Variants in MED13L observed in about 807,000 individuals in gnomAD.
MED13L encodes the protein mediator of RNA polymerase II transcription subunit 13-like.
Under a neutral mutation model 220.9 loss-of-function variants are expected in MED13L, and 7 were observed. The ratio of observed to expected loss-of-function variants is 0.03; its 90% CI spans 0.02 to 0.06. The LOEUF is 0.06. Among genes scored for constraint, MED13L ranks in the 10% least tolerant of loss-of-function variants. The pLI is 1.00. For missense variants in MED13L, 1,965 were observed against 2,760.5 expected (o/e 0.71, Z 6.46); for synonymous variants, 1,011 against 1,015.2 (o/e 1.00, Z 0.08).
At chr12:116,084,249 C>T (rs1228371114) in intron 4 of MED13L, among the ~76,000 whole-genome samples, 9 of 152,154 alleles carry the variant, frequency 5.9e-5, no homozygotes, top group African/African-American at 1.9e-4. Context: ...CCTTTGGTAA[C>T]TTACCTTTTT....
chr12:115,992,404 T>TC (rs1878123814), intron 16 of MED13L, among the ~76,000 whole-genome samples: 1 of 152,156 alleles, frequency 6.6e-6, no homozygotes, highest in South Asian at 2.1e-4. Flanking sequence ...TTGTCATTTT[T>TC]TTTTTGAAAT....
At chr12:116,129,564 G>A (rs532193263) in intron 2 of MED13L, among the ~76,000 whole-genome samples, 3 of 152,120 alleles carry the variant, frequency 2.0e-5, no homozygotes, top group Non-Finnish European at 2.9e-5. Context: ...CAGACATTAC[G>A]CCTTGGCAAG....
rs568791911 is a variant in MED13L, at chr12:116,212,354, G to T, written c.310+25114C>A. Among the ~76,000 whole-genome samples, 76 of 152,184 alleles carry T rather than the reference G, an allele frequency of 5.0e-4. 1 individual carries two copies. Among genetic ancestry groups the T allele is most frequent in the African/African-American group, 1.8e-3 (74 of 41,538 alleles). ...AAGTTAATTTTCATAAATGGTAAGGGTTGATAGTATTATTATTTTCCTGTT... is the reference window on the plus strand; with the variant it reads ...AAGTTAATTTTCATAAATGGTAAGGTTTGATAGTATTATTATTTTCCTGTT... On this transcript the variant is annotated intron_variant, in intron 2 of 30. Coordinates refer to ENST00000281928, the MANE Select transcript of MED13L (RefSeq NM_015335.5).
chr12:116,120,496 C>T (rs1394853446), intron 2 of MED13L, among the ~76,000 whole-genome samples: 1 of 146,064 alleles, frequency 6.8e-6, no homozygotes, highest in Non-Finnish European at 1.5e-5. Flanking sequence ...CACACACACA[C>T]ACACACACAC....
intron 4 of MED13L, among the ~76,000 whole-genome samples, chr12:116,073,450 C>G (rs1480727494): frequency 6.6e-6 from 1 of 152,180 alleles, no homozygotes; most frequent in African/African-American, 2.4e-5. Flanking sequence ...GGTTACTATT[C>G]TCTCATTCAA....
chr12:115,965,906 A>C (rs1223725990), intron 29 of MED13L, among the ~76,000 whole-genome samples, 176 bp downstream of exon 29: 1 of 152,162 alleles, frequency 6.6e-6, no homozygotes, highest in Non-Finnish European at 1.5e-5. Context: ...GGGTCCTCCT[A>C]AATTCTACTC....
rs5801163 is a variant in MED13L, at chr12:116,091,120, CAAAAAAAAAAAA to C, written c.479+5537_479+5548del. ...TGGGTGACAGAGCGGAACTCTGTCT[CAAAAAAAAAAAA>C]AAAAAAAAAGAATTAAAAAACAAGG... is the stretch of plus-strand genomic sequence containing the variant. On this transcript the variant is annotated intron_variant, in intron 4 of 30. Coordinates refer to ENST00000281928, the MANE Select transcript of MED13L (RefSeq NM_015335.5). Among the ~76,000 whole-genome samples the C allele has an allele frequency of 1.3e-4, 11 of 87,408 alleles. No individual in the cohort carries two copies. In the East Asian group the frequency reaches 2.3e-3, roughly 18 times the overall value. The allele number at this position is 87,408 out of a possible 152,430, so 57.3% of individuals were successfully genotyped here.
intron 1 of MED13L, among the ~76,000 whole-genome samples, chr12:116,260,297 C>T (rs1872411646): frequency 6.6e-6 from 1 of 152,112 alleles, no homozygotes; most frequent in Non-Finnish European, 1.5e-5. Context: ...CTCAGAACAA[C>T]TGGAAAGGGT....
chr12:116,244,013 T>C (rs747634749), intron 1 of MED13L, among the ~76,000 whole-genome samples: 2 of 152,184 alleles, frequency 1.3e-5, no homozygotes, highest in Non-Finnish European at 2.9e-5. Flanking sequence ...ATAGTCAACA[T>C]TTCAGGAAAC....
chr12:116,199,743 A>G (rs1168920851), intron 2 of MED13L, among the ~76,000 whole-genome samples: 3 of 151,876 alleles, frequency 2.0e-5, no homozygotes. Context: ...TTTTTGGTCC[A>G]GTATCAAAAT....
At chr12:116,241,956 C>T (rs1002165415) in intron 1 of MED13L, among the ~76,000 whole-genome samples, 2 of 151,340 alleles carry the variant, frequency 1.3e-5, no homozygotes, top group Admixed American at 6.6e-5. Context: ...AAATTCCCAT[C>T]GTGGATGTTT....
At chr12:116,197,730 A>G (rs866176641) in intron 2 of MED13L, among the ~76,000 whole-genome samples, 18 of 151,566 alleles carry the variant, frequency 1.2e-4, no homozygotes, top group African/African-American at 3.6e-4. Flanking sequence ...GTGCCATTGC[A>G]CTCCAGCCTG....
chr12:116,172,440 G>A (rs1326394280), intron 2 of MED13L, among the ~76,000 whole-genome samples: 4 of 152,148 alleles, frequency 2.6e-5, no homozygotes, highest in Non-Finnish European at 5.9e-5. Flanking sequence ...TATCTGAAAG[G>A]ACTGCCTCTT....
At chr12:116,213,841 C>T (rs1169265666) in intron 2 of MED13L, among the ~76,000 whole-genome samples, 1 of 152,126 alleles carries the variant, frequency 6.6e-6, no homozygotes, top group Non-Finnish European at 1.5e-5. Context: ...GTATAATATC[C>T]TTATAGAAAA....
At chr12:116,206,637 C>A (rs904742332) in intron 2 of MED13L, among the ~76,000 whole-genome samples, 2 of 151,594 alleles carry the variant, frequency 1.3e-5, no homozygotes, top group Non-Finnish European at 2.9e-5. Context: ...TTTTCAAACA[C>A]CTGTCCTCCT....
At chr12:116,029,851 CT>C (rs1198792041) in intron 4 of MED13L, among the ~76,000 whole-genome samples, 3 of 152,160 alleles carry the variant, frequency 2.0e-5, no homozygotes, top group African/African-American at 7.2e-5. Context: ...AACGTATCCT[CT>C]TTCCATGAAT....
chr12:116,224,220 G>A (rs923736907), intron 2 of MED13L, among the ~76,000 whole-genome samples: 17 of 152,152 alleles, frequency 1.1e-4, no homozygotes, highest in African/African-American at 3.9e-4. Flanking sequence ...TAAGCTCCAA[G>A]AGGCCCAAAT....
At chr12:116,128,204 G>C (rs1159290696) in intron 2 of MED13L, among the ~76,000 whole-genome samples, 1 of 152,198 alleles carries the variant, frequency 6.6e-6, no homozygotes, top group African/African-American at 2.4e-5. Flanking sequence ...GTCAATCCTT[G>C]TGTGCTTACT....
intron 4 of MED13L, among the ~76,000 whole-genome samples, chr12:116,050,947 C>CA (rs1180695902): frequency 1.3e-5 from 2 of 151,446 alleles, no homozygotes; most frequent in South Asian, 2.1e-4. Context: ...AAAACAACAA[C>CA]AAAAAAAAAA....
Sources: allele counts gnomAD v4.1 joint callset (sites outside exome capture counted in the v4.1 genomes callset), GRCh38; gene constraint gnomAD v4.1.1; transcripts MANE v1.5; gene names NCBI Gene and HGNC (gene_info 2026-07-23, HGNC 2026-07-21).